HUNK: variants seen among roughly 807,000 people sequenced by gnomAD.
HUNK encodes hormonally up-regulated neu tumor-associated kinase.
HUNK carries 21 observed loss-of-function variants against 61.0 expected under a neutral mutation model. The observed-to-expected ratio is 0.34, with a 90% CI of 0.24 to 0.50. The LOEUF is 0.50. HUNK is among the 20% of genes least tolerant of loss of function. The pLI, the probability that HUNK is intolerant of heterozygous loss-of-function variation, is 0.98. For missense variants in HUNK, 772 were observed against 945.7 expected, an observed-to-expected ratio of 0.82 and a Z score of 2.41; for synonymous variants, 371 against 386.1, an observed-to-expected ratio of 0.96 and a Z score of 0.46.
rs1375572723 is a variant in HUNK at position 31,892,178 on chromosome 21, TATAGAGAGAGAG to T, written c.261+18245_261+18256del. On this transcript the variant is annotated intron_variant, in intron 1 of 10. Coordinates refer to ENST00000270112, the MANE Select transcript of HUNK (RefSeq NM_014586.2). Reference sequence around the variant, plus strand: ...AAAAAAAAAAATATATATATATATATATAGAGAGAGAGAGAGAGAGAGAGAGAGAGAGTGTGT... The same window carrying T: ...AAAAAAAAAAATATATATATATATATAGAGAGAGAGAGAGAGAGAGTGTGT... Among the ~76,000 whole-genome samples, 269 of 104,000 alleles carry T rather than the reference TATAGAGAGAGAG, an allele frequency of 2.6e-3. 1 individual carries two copies. The highest frequency in any genetic ancestry group is 8.6e-3 in the African/African-American group (238 of 27,608). The allele number at this position is 104,000 out of a possible 152,430, so 68.2% of individuals were successfully genotyped here.
chr21:31,986,934 G>A (rs546895855), intron 8 of HUNK, among the ~76,000 whole-genome samples: 6 of 152,124 alleles, frequency 3.9e-5, no homozygotes, highest in Non-Finnish European at 8.8e-5. Flanking sequence ...TTGTTTTGGG[G>A]TTGTTTGATT....
In HUNK at chr21:31,901,137, T is replaced by C. The variant is rs549375089; in HGVS notation, c.262-23331T>C. Among the ~76,000 whole-genome samples, 5 of 152,338 alleles carry C rather than the reference T, an allele frequency of 3.3e-5. No individual in the cohort carries two copies. The South Asian group carries it at 1.0e-3, about 32-fold the overall frequency. ...TAATGTCGTCTTAATTAATTACATC[T>C]GCAATGACCTGATTTCCAAACAAGG... On this transcript the variant is annotated intron_variant, in intron 1 of 10. Coordinates refer to ENST00000270112, the MANE Select transcript of HUNK (RefSeq NM_014586.2).
chr21:31,965,602 T>C (rs1273800166), intron 5 of HUNK, among the ~76,000 whole-genome samples: 2 of 149,270 alleles, frequency 1.3e-5, no homozygotes, highest in African/African-American at 2.5e-5. Context: ...TTCTTTTTTT[T>C]TTTTTTTTTT....
intron 1 of HUNK, among the ~76,000 whole-genome samples, chr21:31,919,959 C>T (rs1315117971): frequency 6.6e-5 from 10 of 152,162 alleles, no homozygotes. Flanking sequence ...TAACAAATTA[C>T]CACTCTGGTG....
intron 3 of HUNK, among the ~76,000 whole-genome samples, 155 bp from the exon 4 acceptor site, chr21:31,945,865 CCAGACGTTATGGTTTG>C (rs537559364): frequency 2.0e-5 from 3 of 152,148 alleles, no homozygotes; most frequent in Non-Finnish European, 4.4e-5. Context: ...AGTCTCGTAT[CCAGACGTTATGGTTTG>C]CAGCTGCTAC....
intron 5 of HUNK, among the ~76,000 whole-genome samples, chr21:31,966,019 G>A (rs1041863955): frequency 6.6e-6 from 1 of 152,134 alleles, no homozygotes; most frequent in Admixed American, 6.6e-5. Context: ...CCTGAGCAGT[G>A]TACACTGTAC....
chr21:31,952,414 C>T (rs1040516867), intron 4 of HUNK, among the ~76,000 whole-genome samples: 9 of 152,130 alleles, frequency 5.9e-5, no homozygotes, highest in Admixed American at 2.0e-4. Flanking sequence ...GGGCAGTTTC[C>T]GAGGCTCCTG....
Position 31,953,327 on chromosome 21 carries a change from C to T in HUNK, c.747-5516C>T, listed in dbSNP as rs140814419. On this transcript the variant is annotated intron_variant, in intron 4 of 10. Coordinates refer to ENST00000270112, the MANE Select transcript of HUNK (RefSeq NM_014586.2). ...TCTGCTTACCACAACCTCCAACTCC[C>T]GGGTTCAAGAGATTCTCCTGCCTCA... Among the ~76,000 whole-genome samples the T allele has an allele frequency of 4.1e-3, 630 of 152,126 alleles. 2 individuals are homozygous for T. The highest frequency in any genetic ancestry group is 0.014 in the African/African-American group (588 of 41,504).
chr21:31,909,485 ACCTGGTTCTGTTAGCAT>A (rs2052531199), intron 1 of HUNK, among the ~76,000 whole-genome samples: 1 of 152,144 alleles, frequency 6.6e-6, no homozygotes, highest in African/African-American at 2.4e-5. Context: ...TTTGCCCAGC[ACCTGGTTCTGTTAGCAT>A]CGCCAAGATC....
At chr21:31,976,725 C>A (rs1036461119) in intron 7 of HUNK, among the ~76,000 whole-genome samples, 7 of 151,388 alleles carry the variant, frequency 4.6e-5, no homozygotes, top group Non-Finnish European at 1.0e-4. Context: ...CCTCAGCCTC[C>A]CAAAGTGCTG....
rs770143473 is a variant in HUNK at position 31,998,918 on chromosome 21, A to G, written c.1879A>G (p.Lys627Glu). The change falls in exon 11 of 11, where the codon AAG becomes GAG. Residue 627 changes from lysine (K) to glutamate (E), a missense_variant. Coordinates refer to ENST00000270112, the MANE Select transcript of HUNK (RefSeq NM_014586.2). ...PTLVSFAHED[K>E]NSPPKEEGLC... ...TCTGGTCTCTTTTGCTCACGAAGAT[A>G]AGAACAGCCCCCCAAAAGAGGAGGG... 2 of 1,614,218 alleles carry G rather than the reference A, an allele frequency of 1.2e-6. No individual in the cohort carries two copies. Among genetic ancestry groups the G allele is most frequent in the Non-Finnish European group, 1.7e-6 (2 of 1,180,046 alleles).
chr21:31,954,935 A>G (rs906731047), intron 4 of HUNK, among the ~76,000 whole-genome samples: 1 of 151,980 alleles, frequency 6.6e-6, no homozygotes, highest in Admixed American at 6.6e-5. Flanking sequence ...GGCGCATGCC[A>G]CCATGCCTGG....
At chr21:31,874,221 C>CG (rs71790770) in intron 1 of HUNK, among the ~76,000 whole-genome samples, 151,963 of 151,964 alleles carry the variant, frequency 1, 75,981 homozygotes, top group Non-Finnish European at 1. Context: ...CGCCGCCTGG[C>CG]GACACTAGCG....
intron 1 of HUNK, among the ~76,000 whole-genome samples, chr21:31,903,982 C>T (rs1328343631): frequency 6.6e-6 from 1 of 152,140 alleles, no homozygotes; most frequent in Admixed American, 6.5e-5. Context: ...TAAACAAAAT[C>T]AACTAAAGAA....
rs11910423 is a variant in HUNK, at chr21:31,944,896, G to A, written c.611-1140G>A. ...TGGCTGTGACATCTTGATCCATGGT[G>A]TGCAATTAACTTCACAGACTGGACT... On this transcript the variant is annotated intron_variant, in intron 3 of 10. Transcript: ENST00000270112. 8.4e-3 allele frequency among the ~76,000 whole-genome samples: 1,285 copies of A among 152,292 alleles called. 17 individuals are homozygous for A. Among genetic ancestry groups the A allele is most frequent in the African/African-American group, 0.029 (1,195 of 41,552 alleles).
chr21:31,908,546 G>T (rs982058535), intron 1 of HUNK, among the ~76,000 whole-genome samples: 1 of 152,142 alleles, frequency 6.6e-6, no homozygotes. Context: ...GCCTCAGCGA[G>T]GAGGAACGGT....
intron 2 of HUNK, among the ~76,000 whole-genome samples, chr21:31,929,146 A>G (rs2052680476): frequency 1.3e-5 from 2 of 152,188 alleles, no homozygotes; most frequent in Admixed American, 6.5e-5. Context: ...ATGCTAGCAG[A>G]GCCCTCATTT....
In HUNK at chr21:31,873,460, G is replaced by A. The variant is rs2052229896; in HGVS notation, c.-215G>A. The stretch of plus-strand genomic sequence containing the variant: ...AAGAACTTTTGGGGGCGGGGTCCCC[G>A]GTCCCGCGTCCCCTGGGCAGCCGCT... On this transcript the variant is annotated 5_prime_UTR_variant, in exon 1 of 11. Coordinates refer to ENST00000270112, the MANE Select transcript of HUNK (RefSeq NM_014586.2). This position sits in a 1 kb window ranked among gnomAD's most constrained non-coding sequence, Gnocchi z 6.1. The A allele has an allele frequency of 5.3e-6, 1 of 189,252 alleles. No individual in the cohort carries two copies. The highest frequency in any genetic ancestry group is 2.4e-5 in the African/African-American group (1 of 42,218). 11.7% of individuals were successfully genotyped at this position (189,252 alleles called of 1,614,324 possible).
chr21:31,914,894 T>TA (rs1209678820), intron 1 of HUNK, among the ~76,000 whole-genome samples: 1 of 152,178 alleles, frequency 6.6e-6, no homozygotes, highest in African/African-American at 2.4e-5. Flanking sequence ...GGCTTCAACA[T>TA]ACGCAATTCA....
Sources: allele counts gnomAD v4.1 joint callset (sites outside exome capture counted in the v4.1 genomes callset), GRCh38; gene constraint gnomAD v4.1.1; non-coding constraint Gnocchi (gnomAD v3.1); transcripts MANE v1.5; gene names NCBI Gene and HGNC (gene_info 2026-07-23, HGNC 2026-07-21).